The following NYX variants were observed in gnomAD, a reference collection of about 807,000 sequenced individuals.
NYX encodes the protein nyctalopin, also known as leucine-rich repeat protein.
For synonymous variants in NYX, 258 were observed against 245.7 expected, an observed-to-expected ratio of 1.05 and a Z score of -0.47; for missense variants, 481 against 485.4, an observed-to-expected ratio of 0.99 and a Z score of 0.09.
At position 41,474,801 on chromosome X, in the gene NYX, G is replaced by T. The variant is rs761237969; in HGVS notation, c.1333G>T (p.Gly445Trp). 8.3e-7 allele frequency: 1 copy of T among 1,202,902 alleles called. No homozygotes were observed. Among genetic ancestry groups the T allele is most frequent in the Non-Finnish European group, 1.1e-6 (1 of 891,862 alleles). Residue 445 changes from glycine (G) to tryptophan (W), a missense_variant, in exon 3 of 3, where the codon GGG (glycine) becomes TGG (tryptophan). Physicochemically the swap from Gly to Trp is radical, Grantham distance 184 (BLOSUM62 -2). Coordinates refer to ENST00000378220, the MANE Select transcript of NYX (RefSeq NM_001378477.3). The stretch of plus-strand genomic sequence containing the variant: ...CCTGTCCGACAGCCTCTCCTCCCGT[G>T]GGGTGGGAGGCGCGGGCCGGCAGCC... Reference protein sequence around the residue: ...ASLSDSLSSRGVGGAGRQPWF... With the variant: ...ASLSDSLSSRWVGGAGRQPWF...
At chrX:41,447,546 C>T (rs1344931295) in intron 1 of NYX, 30 bp downstream of exon 1, 3 of 292,538 alleles carry the variant, frequency 1.0e-5, no homozygotes, top group South Asian at 9.5e-5. Context: ...CATTCACTAA[C>T]GCTTCTCTGC....
At chrX:41,466,772 G>A (rs1436826581) in intron 2 of NYX, among the ~76,000 whole-genome samples, 1 of 66,766 alleles carries the variant, frequency 1.5e-5, no homozygotes, top group Admixed American at 2.1e-4. Flanking sequence ...GTTTCGCCAT[G>A]TTGGCCAGAC....
At chrX:41,448,365 C>T (rs1008803165) in intron 2 of NYX, among the ~76,000 whole-genome samples, 9 of 108,946 alleles carry the variant, frequency 8.3e-5, no homozygotes, top group African/African-American at 3.0e-4. Context: ...GCCTCAGCCT[C>T]CCGAGTAGCT....
intron 2 of NYX, among the ~76,000 whole-genome samples, chrX:41,459,988 T>C (rs377569779): frequency 9.1e-6 from 1 of 109,324 alleles, no homozygotes; most frequent in African/African-American, 3.3e-5. Flanking sequence ...TGAGCTATTT[T>C]ACACTCCCAT....
Position 41,473,816 on chromosome X carries a change from C to T in NYX, c.348C>T (p.Gly116=), listed in dbSNP as rs924789584. 2.7e-6 allele frequency: 3 copies of T among 1,114,003 alleles called. No individual in the cohort carries two copies. Among genetic ancestry groups the T allele is most frequent in the Non-Finnish European group, 3.5e-6 (3 of 853,720 alleles). The allele number at this position is 1,114,003 out of a possible 1,213,427, so 91.8% of individuals were successfully genotyped here. ...CTGAGCTGCGCCTGGCGCACAACGG[C>T]GACCTGCGCTACCTGCACGCGCGCA... ...RLAELRLAHN[G]DLRYLHARTF... Residue 116 remains glycine (G), a synonymous_variant, in exon 3 of 3, where the codon GGC becomes GGT. Transcript: ENST00000378220.
intron 2 of NYX, among the ~76,000 whole-genome samples, chrX:41,462,895 A>G (rs1256703315): frequency 6.3e-5 from 7 of 111,948 alleles, no homozygotes; most frequent in African/African-American, 1.9e-4. Flanking sequence ...CTCACAGTCT[A>G]TTGCCCGTCT....
intron 2 of NYX, among the ~76,000 whole-genome samples, chrX:41,465,775 G>A (rs764415869): frequency 6.7e-5 from 7 of 105,084 alleles, no homozygotes; most frequent in Non-Finnish European, 1.2e-4. Flanking sequence ...TGCCTGCCTC[G>A]CCTTCCCAAA....
intron 2 of NYX, among the ~76,000 whole-genome samples, chrX:41,471,842 T>A (rs2064361861): frequency 1.8e-5 from 2 of 108,896 alleles, no homozygotes; most frequent in African/African-American, 6.7e-5. Context: ...TATTTTTTTT[T>A]TTTTTTCCCC....
At chrX:41,461,998 C>T (rs924650939) in intron 2 of NYX, among the ~76,000 whole-genome samples, 8 of 110,745 alleles carry the variant, frequency 7.2e-5, no homozygotes, top group African/African-American at 2.3e-4. Context: ...GACGGGGTTT[C>T]ACTATATTGG....
intron 2 of NYX, among the ~76,000 whole-genome samples, chrX:41,452,556 TG>T (rs1316991855): frequency 1.8e-5 from 2 of 111,662 alleles, no homozygotes; most frequent in Admixed American, 9.6e-5. Context: ...AATATTCATT[TG>T]TACAGATTGA....
At chrX:41,451,010 A>G (rs2064278266) in intron 2 of NYX, among the ~76,000 whole-genome samples, 1 of 105,063 alleles carries the variant, frequency 9.5e-6, no homozygotes, top group African/African-American at 3.5e-5. Flanking sequence ...TTTAGTAGAG[A>G]TGGGGTTTTG....
chrX:41,472,512 G>C, intron 2 of NYX: 1 of 639,972 alleles, frequency 1.6e-6, no homozygotes. Context: ...AAGGATTCTT[G>C]AGCTATGGAA....
intron 2 of NYX, among the ~76,000 whole-genome samples, chrX:41,463,422 C>CT (rs58958947): frequency 0.27 from 25,684 of 95,828 alleles, 3,289 homozygotes; most frequent in South Asian, 0.55. Flanking sequence ...ATAGTAGTCT[C>CT]TTTTTTTTTT....
At chrX:41,471,833 ATTTTT>A (rs61276668) in intron 2 of NYX, among the ~76,000 whole-genome samples, 4,856 of 101,651 alleles carry the variant, frequency 0.048, 151 homozygotes, top group African/African-American at 0.11. Context: ...ATATATATGT[ATTTTT>A]TTTTTTTTTT....
chrX:41,472,500 C>T (rs966981574), intron 2 of NYX: 5 of 661,395 alleles, frequency 7.6e-6, no homozygotes, highest in Middle Eastern at 3.0e-4. Flanking sequence ...TTCTGGGATT[C>T]CAAGGATTCT....
In NYX at chrX:41,474,312, C is replaced by A. The variant is rs1247864007; in HGVS notation, c.844C>A (p.Arg282Ser). The A allele has an allele frequency of 2.5e-6, 3 of 1,208,480 alleles. No homozygotes were observed. The East Asian group carries it at 8.9e-5, about 36-fold the overall frequency. The change falls in exon 3 of 3, where the codon CGC (arginine) becomes AGC (serine). Residue 282 changes from arginine to serine, a missense_variant. By Grantham distance (110) the Arg-to-Ser change is moderately radical. Coordinates refer to ENST00000378220, the MANE Select transcript of NYX (RefSeq NM_001378477.3). ...LAELELLYLD[R>S]NSIAFVEEGA... is the part of the protein sequence containing the mutation. ...CGAGCTCGAGCTGCTCTACCTGGAC[C>A]GCAACAGCATCGCCTTCGTGGAGGA... is the stretch of plus-strand genomic sequence containing the variant.
intron 2 of NYX, among the ~76,000 whole-genome samples, chrX:41,448,201 A>G (rs935660744): frequency 2.7e-5 from 3 of 111,808 alleles, no homozygotes; most frequent in South Asian, 7.5e-4. Context: ...ATATGAATTC[A>G]TTGGTGTGAT....
At chrX:41,468,155 T>C (rs1299659504) in intron 2 of NYX, among the ~76,000 whole-genome samples, 1 of 111,837 alleles carries the variant, frequency 8.9e-6, no homozygotes, top group Non-Finnish European at 1.9e-5. Context: ...CTAAAAGCAG[T>C]GTACATTGAG....
At chrX:41,455,154 G>GA (rs2064294628) in intron 2 of NYX, among the ~76,000 whole-genome samples, 1 of 109,278 alleles carries the variant, frequency 9.2e-6, no homozygotes, top group African/African-American at 3.3e-5. Flanking sequence ...TGCCCAGGCT[G>GA]GAGTAAAGTG....
Sources: gnomAD v4.1 joint callset for allele counts (sites outside exome capture counted in the v4.1 genomes callset) on GRCh38, gnomAD v4.1.1 for gene constraint, MANE v1.5 for transcripts, NCBI Gene and HGNC (gene_info 2026-07-23, HGNC 2026-07-21) for gene names.